XRN2: variants seen among roughly 807,000 people sequenced by gnomAD.
The protein encoded by XRN2 is 5'-3' exoribonuclease 2.
XRN2 carries 44 observed loss-of-function variants against 138.5 expected under a neutral mutation model. That is an observed-to-expected ratio of 0.32 (90% CI 0.25 to 0.41). The LOEUF is 0.41. Ranked by LOEUF, XRN2 falls within the 10% of genes least tolerant of loss-of-function variation. The pLI, the probability that XRN2 is intolerant of heterozygous loss-of-function variation, is 1.00. For missense variants in XRN2, 937 were observed against 1,169.3 expected (o/e 0.80, Z 2.90); for synonymous variants, 354 against 369.4 (o/e 0.96, Z 0.48).
chr20:21,345,390 A>T (rs1456632544), intron 16 of XRN2, among the ~76,000 whole-genome samples: 2 of 152,092 alleles, frequency 1.3e-5, no homozygotes, highest in Admixed American at 6.5e-5. Context: ...CCACCTTATG[A>T]ATGGGGGATA....
chr20:21,381,585 T>C (rs1436695144), intron 27 of XRN2, among the ~76,000 whole-genome samples: 1 of 152,226 alleles, frequency 6.6e-6, no homozygotes, highest in Non-Finnish European at 1.5e-5. Context: ...ATTTCTGTTG[T>C]AGATACTATT....
At chr20:21,344,984 A>G (rs777729391) in intron 16 of XRN2, among the ~76,000 whole-genome samples, 11 of 152,260 alleles carry the variant, frequency 7.2e-5, no homozygotes, top group Non-Finnish European at 1.6e-4. Flanking sequence ...CTTCTTTTAC[A>G]GGACATGGAA....
At chr20:21,361,150 A>C (rs1168829375) in intron 24 of XRN2, among the ~76,000 whole-genome samples, 2 of 152,230 alleles carry the variant, frequency 1.3e-5, no homozygotes, top group African/African-American at 4.8e-5. Flanking sequence ...TTCCTTTTCT[A>C]TTGAGACTTT....
chr20:21,337,177 A>G (rs1463409119), intron 13 of XRN2, among the ~76,000 whole-genome samples: 1 of 152,242 alleles, frequency 6.6e-6, no homozygotes, highest in Non-Finnish European at 1.5e-5. Context: ...GGATCACTCT[A>G]GCTGCCATGT....
At chr20:21,355,897 C>T (rs967451217) in intron 21 of XRN2, among the ~76,000 whole-genome samples, 183 bp from the exon 22 acceptor site, 1 of 152,072 alleles carries the variant, frequency 6.6e-6, no homozygotes, top group African/African-American at 2.4e-5. Flanking sequence ...ACTAACTTCT[C>T]CACAGTACTA....
At position 21,333,690 on chromosome 20, in the gene XRN2, C is replaced by CT. The variant is rs779936253; in HGVS notation, c.934-9dup. On this transcript the variant is annotated splice_polypyrimidine_tract_variant and intron_variant, in intron 10 of 29. Transcript: ENST00000377191. ...TTTGATAGCTGTAATGGCAGCATTC[C>CT]TTTTTGGTTGTAGTATTTGGAAAGA... is the stretch of plus-strand genomic sequence containing the variant. 1 of 1,613,908 alleles carries CT rather than the reference C, an allele frequency of 6.2e-7. No individual in the cohort carries two copies. Among genetic ancestry groups the CT allele is most frequent in the Non-Finnish European group, 8.5e-7 (1 of 1,179,982 alleles).
At chr20:21,377,257 G>GTTTTTTTTTTTTTTTTTTTTTTTT (rs1166479171) in intron 27 of XRN2, among the ~76,000 whole-genome samples, 5 of 30,310 alleles carry the variant, frequency 1.6e-4, no homozygotes, top group African/African-American at 9.6e-4. Flanking sequence ...TGATTTGTCG[G>GTTTTTTTTTTTTTTTTTTTTTTTT]TTTTTTCTTT....
intron 1 of XRN2, among the ~76,000 whole-genome samples, chr20:21,324,203 T>C (rs913030705): frequency 6.6e-6 from 1 of 152,100 alleles, no homozygotes; most frequent in African/African-American, 2.4e-5. Flanking sequence ...CTGTTCCTGA[T>C]CAAGCCTTTT....
intron 1 of XRN2, among the ~76,000 whole-genome samples, chr20:21,324,357 A>G (rs1052794317): frequency 2.6e-5 from 4 of 152,132 alleles, no homozygotes; most frequent in African/African-American, 9.7e-5. Context: ...CTTCTCAAAG[A>G]CAGTCAATAT....
intron 27 of XRN2, among the ~76,000 whole-genome samples, chr20:21,377,408 C>T (rs765831418): frequency 4.0e-5 from 6 of 151,504 alleles, no homozygotes; most frequent in African/African-American, 7.3e-5. Context: ...AAGTATGCAC[C>T]ACCATGCCCA....
intron 1 of XRN2, among the ~76,000 whole-genome samples, chr20:21,305,280 C>T (rs1291563171): frequency 6.6e-6 from 1 of 152,172 alleles, no homozygotes; most frequent in Admixed American, 6.5e-5. Flanking sequence ...TATTTAGAGA[C>T]GGAGTCTCGC....
chr20:21,375,343 C>CT (rs2122339587), intron 27 of XRN2, among the ~76,000 whole-genome samples: 1 of 151,468 alleles, frequency 6.6e-6, no homozygotes, highest in Non-Finnish European at 1.5e-5. Flanking sequence ...TTCTCTTCTA[C>CT]TTTTTTGGGG....
At chr20:21,361,116 C>A (rs898488177) in intron 24 of XRN2, among the ~76,000 whole-genome samples, 2 of 152,138 alleles carry the variant, frequency 1.3e-5, no homozygotes, top group African/African-American at 4.8e-5. Context: ...TAAAGCGAAT[C>A]AGAAAAAGGT....
intron 20 of XRN2, among the ~76,000 whole-genome samples, chr20:21,349,985 G>C (rs1380573785): frequency 6.6e-6 from 1 of 152,102 alleles, no homozygotes; most frequent in Non-Finnish European, 1.5e-5. Flanking sequence ...ACCTTTTGAG[G>C]TTGCTGAGAA....
chr20:21,345,521 T>C (rs1008307646), intron 16 of XRN2, among the ~76,000 whole-genome samples: 1 of 152,200 alleles, frequency 6.6e-6, no homozygotes, highest in Non-Finnish European at 1.5e-5. Flanking sequence ...AAAAGAGGCC[T>C]AAATGGAGAA....
At chr20:21,384,892 T>A (rs1224908769) in intron 28 of XRN2, among the ~76,000 whole-genome samples, 5 of 152,210 alleles carry the variant, frequency 3.3e-5, no homozygotes, top group African/African-American at 1.2e-4. Context: ...TTGTAAGTAT[T>A]TGCAAAATAT....
chr20:21,348,139 A>T lies in XRN2; in HGVS notation c.1666-7A>T, dbSNP rs754043816. Reference sequence around the variant, plus strand: ...TGATTTTGTTGTTACTTTTTTAATGATTCTAGGGCTGTGCTTCCTGGAAGT... The same window carrying T: ...TGATTTTGTTGTTACTTTTTTAATGTTTCTAGGGCTGTGCTTCCTGGAAGT... On this transcript the variant is annotated splice_polypyrimidine_tract_variant and splice_region_variant and intron_variant, in intron 17 of 29. Transcript: ENST00000377191. The T allele has an allele frequency of 6.3e-7, 1 of 1,587,646 alleles. No homozygotes were observed. The highest frequency in any genetic ancestry group is 8.5e-7 in the Non-Finnish European group (1 of 1,173,118).
At chr20:21,388,115 T>C (rs1363131958) in intron 29 of XRN2, among the ~76,000 whole-genome samples, 1 of 152,200 alleles carries the variant, frequency 6.6e-6, no homozygotes, top group Admixed American at 6.5e-5. Flanking sequence ...AAGTGAGGAC[T>C]ATTTGTAACT....
chr20:21,347,561 C>T (rs1221618934), intron 17 of XRN2, among the ~76,000 whole-genome samples: 1 of 152,220 alleles, frequency 6.6e-6, no homozygotes, highest in Non-Finnish European at 1.5e-5. Flanking sequence ...ACTCACTAGA[C>T]ACTGTCTTAA....
Sources: allele counts gnomAD v4.1 joint callset (sites outside exome capture counted in the v4.1 genomes callset), GRCh38; gene constraint gnomAD v4.1.1; transcripts MANE v1.5; gene names NCBI Gene and HGNC (gene_info 2026-07-23, HGNC 2026-07-21).